DLG2: variants seen among roughly 807,000 people sequenced by gnomAD.
The protein encoded by DLG2 is discs large MAGUK scaffold protein 2.
DLG2 carries 45 observed loss-of-function variants against 132.5 expected under a neutral mutation model. The ratio of observed to expected loss-of-function variants is 0.34; its 90% CI spans 0.27 to 0.44. The LOEUF (loss-of-function observed/expected upper bound fraction) is 0.44, where lower values mean the gene tolerates loss of function less well. Among genes scored for constraint, DLG2 ranks in the 20% least tolerant of loss-of-function variants. The probability of loss-of-function intolerance (pLI) is 1.00; values close to 1 mark genes in which losing one functional copy is unlikely to be tolerated. For missense variants in DLG2, 1,045 were observed against 1,196.9 expected (o/e 0.87, Z 1.87); for synonymous variants, 424 against 419.6 (o/e 1.01, Z -0.13).
At chr11:84,389,432 A>T (rs1001552976) in intron 7 of DLG2, among the ~76,000 whole-genome samples, 10 of 152,132 alleles carry the variant, frequency 6.6e-5, no homozygotes, top group Admixed American at 2.0e-4. Flanking sequence ...CCTGTAATAT[A>T]AATAAAAATA....
chr11:83,814,157 A>C (rs1039027211), intron 17 of DLG2, among the ~76,000 whole-genome samples: 2 of 152,180 alleles, frequency 1.3e-5, no homozygotes, highest in African/African-American at 4.8e-5. Flanking sequence ...CACCTAGATC[A>C]TACATTCTTT....
At chr11:84,490,995 G>A (rs1210094809) in intron 7 of DLG2, among the ~76,000 whole-genome samples, 1 of 151,958 alleles carries the variant, frequency 6.6e-6, no homozygotes, top group African/African-American at 2.4e-5. Flanking sequence ...GGATAAAGAG[G>A]TTAAGACATT....
chr11:84,004,999 G>A (rs1277539926), intron 11 of DLG2, among the ~76,000 whole-genome samples: 8 of 139,612 alleles, frequency 5.7e-5, no homozygotes, highest in Non-Finnish European at 7.8e-5. Flanking sequence ...AAAAACAAAC[G>A]AACAAAAATC....
chr11:83,579,881 A>G (rs2096940101), intron 19 of DLG2, among the ~76,000 whole-genome samples: 1 of 151,932 alleles, frequency 6.6e-6, no homozygotes, highest in African/African-American at 2.4e-5. Flanking sequence ...GAGGCAGGAG[A>G]ATGGCTTGAA....
intron 6 of DLG2, among the ~76,000 whole-genome samples, chr11:85,102,187 G>A (rs1357866942): frequency 1.3e-5 from 2 of 151,982 alleles, no homozygotes; most frequent in Non-Finnish European, 2.9e-5. Context: ...AACAATATCA[G>A]AAACAGAGCC....
chr11:84,500,509 C>A (rs979909931), intron 7 of DLG2, among the ~76,000 whole-genome samples: 1 of 152,174 alleles, frequency 6.6e-6, no homozygotes. Context: ...ATAGAAGAAA[C>A]TGCCTAACAT....
At chr11:84,465,959 T>C (rs188741738) in intron 7 of DLG2, among the ~76,000 whole-genome samples, 24 of 151,416 alleles carry the variant, frequency 1.6e-4, no homozygotes, top group African/African-American at 4.3e-4. Context: ...TTATTATCTA[T>C]AATTAAAATA....
At chr11:85,143,786 A>G (rs181408734) in intron 5 of DLG2, among the ~76,000 whole-genome samples, 63 of 151,944 alleles carry the variant, frequency 4.1e-4, no homozygotes, top group African/African-American at 1.5e-3. Flanking sequence ...AGTGGTCAGA[A>G]AAGATATTTA....
At chr11:85,155,843 A>G (rs1210146235) in intron 4 of DLG2, among the ~76,000 whole-genome samples, 1 of 150,528 alleles carries the variant, frequency 6.6e-6, no homozygotes, top group Non-Finnish European at 1.5e-5. Flanking sequence ...TGGGTGACTG[A>G]GCAAGACTCT....
At chr11:84,467,233 A>T (rs1477704292) in intron 7 of DLG2, among the ~76,000 whole-genome samples, 4 of 151,452 alleles carry the variant, frequency 2.6e-5, no homozygotes, top group Non-Finnish European at 5.9e-5. Context: ...TTGAGTATCA[A>T]AAAGAATGAT....
intron 6 of DLG2, among the ~76,000 whole-genome samples, chr11:85,033,952 A>G (rs1327349082): frequency 6.6e-6 from 1 of 152,126 alleles, no homozygotes; most frequent in Non-Finnish European, 1.5e-5. Context: ...TACTAATTTC[A>G]TGAGAGATTT....
At chr11:84,317,100 C>T in intron 7 of DLG2, 1 of 1,612,832 alleles carries the variant, frequency 6.2e-7, no homozygotes, top group Non-Finnish European at 8.5e-7. Flanking sequence ...TCCATCCCAT[C>T]GGACCCCCGG....
chr11:85,612,945 A>G (rs371733798), intron 2 of DLG2, among the ~76,000 whole-genome samples: 1 of 152,206 alleles, frequency 6.6e-6, no homozygotes, highest in Non-Finnish European at 1.5e-5. Flanking sequence ...CTCCAAAACT[A>G]CCGAGGCCTA....
intron 15 of DLG2, among the ~76,000 whole-genome samples, chr11:83,903,601 C>A (rs919756922): frequency 2.6e-5 from 4 of 152,128 alleles, no homozygotes; most frequent in African/African-American, 7.2e-5. Context: ...TTAACACCAT[C>A]CCTTATTGGA....
chr11:84,696,966 A>C (rs901377832), intron 6 of DLG2, among the ~76,000 whole-genome samples: 1 of 151,396 alleles, frequency 6.6e-6, no homozygotes, highest in Non-Finnish European at 1.5e-5. Flanking sequence ...AGGGTTCAAA[A>C]ATATTAAAGA....
chr11:85,154,634 T>C lies in DLG2; in HGVS notation c.204A>G (p.Gly68=). 2.0e-6 allele frequency: 3 copies of C among 1,511,300 alleles called. No individual in the cohort carries two copies. The highest frequency in any genetic ancestry group is 2.7e-6 in the Non-Finnish European group (3 of 1,115,104). 93.6% of individuals were successfully genotyped at this position (1,511,300 alleles called of 1,614,324 possible). Residue 68 remains glycine (G), a synonymous_variant, in exon 5 of 28, where the codon GGA becomes GGG. Transcript: ENST00000376104. ...QKSSELTDCS[G]SKENASCIEQ... ...CAATACATGAAGCATTTTCCTTTGA[T>C]CCACTGCAATCTGTAAGCTAAAATA...
intron 6 of DLG2, among the ~76,000 whole-genome samples, chr11:85,099,675 A>G (rs1594162249): frequency 6.6e-6 from 1 of 152,162 alleles, no homozygotes; most frequent in East Asian, 1.9e-4. Flanking sequence ...ATTCGCTTGG[A>G]AGAGCTGTCA....
intron 6 of DLG2, among the ~76,000 whole-genome samples, chr11:85,000,224 T>G (rs574844233): frequency 6.6e-6 from 1 of 152,062 alleles, no homozygotes; most frequent in Non-Finnish European, 1.5e-5. Context: ...TTGTACAGTA[T>G]TTTTTTCCAA....
chr11:85,442,143 G>A (rs556423747), intron 3 of DLG2, among the ~76,000 whole-genome samples: 1 of 152,294 alleles, frequency 6.6e-6, no homozygotes, highest in South Asian at 2.1e-4. Context: ...TATCTTTACA[G>A]AACATGTCAA....
Sources: allele counts gnomAD v4.1 joint callset (sites outside exome capture counted in the v4.1 genomes callset), GRCh38; gene constraint gnomAD v4.1.1; transcripts MANE v1.5; gene names NCBI Gene and HGNC (gene_info 2026-07-23, HGNC 2026-07-21).